The following FAM118B variants were observed in gnomAD, a reference collection of about 807,000 sequenced individuals.
FAM118B encodes the protein SIR2 antiphage like 1, also known as protein FAM118B.
FAM118B carries 24 observed loss-of-function variants against 38.5 expected under a neutral mutation model. The observed-to-expected ratio is 0.62, with a 90% CI of 0.45 to 0.88. The LOEUF (loss-of-function observed/expected upper bound fraction) is 0.88. FAM118B is among the 40% of genes least tolerant of loss of function. The pLI is 0.00. For synonymous variants in FAM118B, 138 were observed against 156.3 expected, an observed-to-expected ratio of 0.88 and a Z score of 0.87; for missense variants, 334 against 420.0, an observed-to-expected ratio of 0.80 and a Z score of 1.79.
intron 4 of FAM118B, among the ~76,000 whole-genome samples, chr11:126,248,243 A>G (rs1950444051): frequency 6.6e-6 from 1 of 151,508 alleles, no homozygotes; most frequent in African/African-American, 2.4e-5. Context: ...TTTGTAGGAT[A>G]CATGTGACTG....
intron 2 of FAM118B, among the ~76,000 whole-genome samples, chr11:126,231,859 G>C (rs1950210551): frequency 6.6e-6 from 1 of 152,184 alleles, no homozygotes; most frequent in Non-Finnish European, 1.5e-5. Flanking sequence ...GTGGTAGTGA[G>C]AAGTATATAA....
chr11:126,233,508 C>T, intron 2 of FAM118B: 2 of 255,848 alleles, frequency 7.8e-6, no homozygotes, highest in South Asian at 7.7e-5. Context: ...AAACAAAAAA[C>T]CCAGAAAAAC....
chr11:126,248,918 C>T (rs1289310686), intron 4 of FAM118B, among the ~76,000 whole-genome samples: 4 of 152,190 alleles, frequency 2.6e-5, no homozygotes, highest in African/African-American at 9.7e-5. Context: ...TAGTTACTTT[C>T]CCATTTCAAA....
At chr11:126,247,083 A>T (rs879506973) in intron 4 of FAM118B, among the ~76,000 whole-genome samples, 3 of 152,212 alleles carry the variant, frequency 2.0e-5, no homozygotes, top group African/African-American at 4.8e-5. Flanking sequence ...ACTTGAGGCC[A>T]GAAGTTTGAG....
At chr11:126,260,266 C>G (rs908544082) in intron 7 of FAM118B, 2 of 152,200 alleles carry the variant, frequency 1.3e-5, no homozygotes, top group African/African-American at 2.4e-5. Context: ...CTCCTAAGTG[C>G]AAGCAATCCT....
In FAM118B at chr11:126,219,869, AAAGC is replaced by A. The variant is rs1371684088; in HGVS notation, c.-77+8041_-77+8044del. ...TTAAAATTAACTTAAAAAAAAAAAA[AAAGC>A]AGCTCGAGCTGCTTGAGTTTTTTTT... is the stretch of plus-strand genomic sequence containing the variant. On this transcript the variant is annotated intron_variant, in intron 1 of 8. Transcript: ENST00000533050. 7.9e-5 allele frequency among the ~76,000 whole-genome samples: 12 copies of A among 152,166 alleles called. No individual in the cohort carries two copies. In the South Asian group the frequency reaches 8.3e-4, roughly 11 times the overall value.
chr11:126,256,474 T>C lies in FAM118B; in HGVS notation c.697-93T>C. On this transcript the variant is annotated intron_variant, in intron 6 of 8. Coordinates refer to ENST00000533050, the MANE Select transcript of FAM118B (RefSeq NM_024556.4). The surrounding 1 kb of genome is among the most constrained non-coding windows in gnomAD (Gnocchi z 6.6). ...CACTTAAGTCTTGCTTAATTGGTCA[T>C]CACAGTCTGCTCAACGTAGCATGAC... 1.6e-6 allele frequency: 2 copies of C among 1,216,456 alleles called. No homozygotes were observed. Among genetic ancestry groups the C allele is most frequent in the Non-Finnish European group, 2.3e-6 (2 of 864,722 alleles). 75.4% of individuals were successfully genotyped at this position (1,216,456 alleles called of 1,614,324 possible).
At chr11:126,215,650 T>A (rs913851018) in intron 1 of FAM118B, among the ~76,000 whole-genome samples, 1 of 141,504 alleles carries the variant, frequency 7.1e-6, no homozygotes, top group East Asian at 2.1e-4. Flanking sequence ...TGAGCCAAGA[T>A]CGCGCCACTG....
At chr11:126,231,195 A>T (rs1950202147) in intron 2 of FAM118B, among the ~76,000 whole-genome samples, 1 of 152,184 alleles carries the variant, frequency 6.6e-6, no homozygotes, top group South Asian at 2.1e-4. Context: ...AGGATTTCTC[A>T]GTGGCTTAGC....
intron 1 of FAM118B, among the ~76,000 whole-genome samples, chr11:126,226,775 G>A (rs1352051363): frequency 3.3e-5 from 5 of 152,064 alleles, no homozygotes; most frequent in South Asian, 2.1e-4. Context: ...GAGCCTGGGC[G>A]TTCAAGACCA....
At chr11:126,213,146 C>T (rs1949913783) in intron 1 of FAM118B, among the ~76,000 whole-genome samples, 1 of 151,422 alleles carries the variant, frequency 6.6e-6, no homozygotes, top group African/African-American at 2.4e-5. Flanking sequence ...TTTTTTTAAT[C>T]CACTCACCTG....
At chr11:126,217,734 T>C (rs950882308) in intron 1 of FAM118B, among the ~76,000 whole-genome samples, 4 of 152,254 alleles carry the variant, frequency 2.6e-5, no homozygotes, top group African/African-American at 9.6e-5. Context: ...GCTTATGTCT[T>C]TATTTTTTAA....
At chr11:126,260,383 A>G (rs1009298626) in intron 7 of FAM118B, 1 of 137,302 alleles carries the variant, frequency 7.3e-6, no homozygotes, top group African/African-American at 3.0e-5. Context: ...ATAGTTGTAA[A>G]CAAAATATAG....
chr11:126,224,468 C>G (rs1246702871), intron 1 of FAM118B, among the ~76,000 whole-genome samples: 1 of 106,244 alleles, frequency 9.4e-6, no homozygotes, highest in East Asian at 2.7e-4. Context: ...AGAGCGAGAC[C>G]CTGTCTCAAA....
intron 8 of FAM118B, among the ~76,000 whole-genome samples, chr11:126,261,765 G>A (rs759404032): frequency 1.8e-4 from 27 of 152,154 alleles, no homozygotes; most frequent in Non-Finnish European, 3.5e-4. Context: ...GAGGCAGGAG[G>A]ATTGCTTGAG....
At position 126,256,146 on chromosome 11, in the gene FAM118B, T is replaced by C. The variant is rs1950575208; in HGVS notation, c.697-421T>C. Among the ~76,000 whole-genome samples the C allele has an allele frequency of 6.6e-6, 1 of 151,898 alleles. No individual in the cohort carries two copies. The highest frequency in any genetic ancestry group is 2.1e-4 in the South Asian group (1 of 4,822). ...ATTAGCTGGGTGTGGTGGTGCACAC[T>C]TGTAATATACTCGGGAGGCTGAGGC... On this transcript the variant is annotated intron_variant, in intron 6 of 8. Coordinates refer to ENST00000533050, the MANE Select transcript of FAM118B (RefSeq NM_024556.4). This position sits in a 1 kb window ranked among gnomAD's most constrained non-coding sequence, Gnocchi z 6.6.
intron 1 of FAM118B, among the ~76,000 whole-genome samples, chr11:126,213,974 G>T (rs1949929297): frequency 6.6e-6 from 1 of 152,188 alleles, no homozygotes; most frequent in South Asian, 2.1e-4. Context: ...GCCAGTATGG[G>T]TACATAAGTT....
At chr11:126,227,058 CTTT>C (rs575065140) in intron 1 of FAM118B, among the ~76,000 whole-genome samples, 7 of 97,160 alleles carry the variant, frequency 7.2e-5, no homozygotes, top group East Asian at 2.8e-4. Context: ...ATACAAGCTT[CTTT>C]TTTTTTTTTT....
Position 126,254,377 on chromosome 11 carries a change from G to A in FAM118B, c.640G>A (p.Gly214Ser), listed in dbSNP as rs1404987858. 1 of 1,614,084 alleles carries A rather than the reference G, an allele frequency of 6.2e-7. No homozygotes were observed. The highest frequency in any genetic ancestry group is 8.5e-7 in the Non-Finnish European group (1 of 1,180,040). The change falls in exon 6 of 9, where the codon GGC becomes AGC. Residue 214 changes from glycine (G) to serine (S), a missense_variant. Gly to Ser is a moderately conservative substitution (Grantham distance 56, BLOSUM62 0). Coordinates refer to ENST00000533050, the MANE Select transcript of FAM118B (RefSeq NM_024556.4). ...TCACGGAGTCTACACCAACCCTAGT[G>A]GCATTGTCCTTCATCCGGCTGGATA... The part of the protein sequence containing the change: ...HIHGVYTNPS[G>S]IVLHPAGYQN...
Sources: allele counts gnomAD v4.1 joint callset (sites outside exome capture counted in the v4.1 genomes callset), GRCh38; gene constraint gnomAD v4.1.1; non-coding constraint Gnocchi (gnomAD v3.1); transcripts MANE v1.5; gene names NCBI Gene and HGNC (gene_info 2026-07-23, HGNC 2026-07-21).